The following SAMMSON variants were observed in gnomAD, a reference collection of about 807,000 sequenced individuals.
SAMMSON encodes the protein survival associated mitochondrial melanoma specific oncogenic non-coding RNA.
intron 4 of SAMMSON, among the ~76,000 whole-genome samples, chr3:70,099,185 T>G (rs1259134310): frequency 6.6e-6 from 1 of 152,198 alleles, no homozygotes; most frequent in African/African-American, 2.4e-5. Context: ...TTCTTGCACA[T>G]GTATATTTAC....
chr3:70,421,669 G>A (rs773418374), intron 2 of SAMMSON, among the ~76,000 whole-genome samples: 4 of 152,112 alleles, frequency 2.6e-5, no homozygotes, highest in Non-Finnish European at 5.9e-5. Flanking sequence ...TATCTCCACA[G>A]TAGGAATAAG....
chr3:70,331,601 C>G (rs915824615), intron 7 of SAMMSON, among the ~76,000 whole-genome samples: 1 of 152,202 alleles, frequency 6.6e-6, no homozygotes, highest in Non-Finnish European at 1.5e-5. Context: ...ACACACAAAT[C>G]TTGTCAGAGA....
chr3:70,392,160 G>C (rs948586178), downstream of SAMMSON, among the ~76,000 whole-genome samples: 1 of 152,082 alleles, frequency 6.6e-6, no homozygotes, highest in Non-Finnish European at 1.5e-5. Context: ...AACCATTTAA[G>C]TAACATAGTC....
chr3:70,138,287 A>T (rs1235327756), intron 4 of SAMMSON, among the ~76,000 whole-genome samples: 1 of 152,236 alleles, frequency 6.6e-6, no homozygotes, highest in African/African-American at 2.4e-5. Flanking sequence ...TATAACAAAG[A>T]TATCATAAAA....
chr3:70,224,521 G>T (rs958743739), intron 4 of SAMMSON, among the ~76,000 whole-genome samples: 1 of 152,162 alleles, frequency 6.6e-6, no homozygotes, highest in African/African-American at 2.4e-5. Context: ...AGATAGGAAA[G>T]CACCCTGCAG....
At chr3:70,313,963 T>C (rs1461481821) in intron 7 of SAMMSON, among the ~76,000 whole-genome samples, 2 of 152,174 alleles carry the variant, frequency 1.3e-5, no homozygotes, top group African/African-American at 2.4e-5. Flanking sequence ...CCTAATTGCA[T>C]TGTGGCTGTT....
At chr3:70,080,791 G>A (rs566369636) in intron 4 of SAMMSON, among the ~76,000 whole-genome samples, 1 of 151,706 alleles carries the variant, frequency 6.6e-6, no homozygotes, top group Admixed American at 6.6e-5. Flanking sequence ...GACAAATGTG[G>A]TAAAATCAAT....
At chr3:70,289,207 C>A (rs1156796205) in intron 6 of SAMMSON, among the ~76,000 whole-genome samples, 1 of 150,086 alleles carries the variant, frequency 6.7e-6, no homozygotes, top group Admixed American at 6.6e-5. Flanking sequence ...CCGGTTGTTC[C>A]TTTCCATGTT....
chr3:70,055,084 A>G (rs2067162228), intron 3 of SAMMSON, among the ~76,000 whole-genome samples: 1 of 152,070 alleles, frequency 6.6e-6, no homozygotes, highest in Non-Finnish European at 1.5e-5. Flanking sequence ...TATATTTTAG[A>G]AATATTAACT....
intron 4 of SAMMSON, among the ~76,000 whole-genome samples, chr3:70,222,054 C>A (rs1032744716): frequency 6.6e-6 from 1 of 152,066 alleles, no homozygotes; most frequent in African/African-American, 2.4e-5. Context: ...TAAATAACAA[C>A]AACAATATTA....
intron 6 of SAMMSON, among the ~76,000 whole-genome samples, chr3:70,290,174 TC>T (rs1467060850): frequency 1.3e-5 from 2 of 152,202 alleles, no homozygotes; most frequent in African/African-American, 4.8e-5. Context: ...TTCTGTTTTT[TC>T]CCCATCTTTG....
intron 1 of SAMMSON, among the ~76,000 whole-genome samples, chr3:70,003,185 G>A (rs9843867): frequency 0.46 from 69,029 of 151,274 alleles, 16,690 homozygotes; most frequent in East Asian, 0.62. Context: ...TATATGGCAT[G>A]TATTTTTACT....
intron 7 of SAMMSON, among the ~76,000 whole-genome samples, chr3:70,333,421 T>C (rs1462931921): frequency 6.6e-6 from 1 of 152,124 alleles, no homozygotes; most frequent in African/African-American, 2.4e-5. Flanking sequence ...CACACACATG[T>C]ATAAAACATA....
At chr3:70,133,193 G>A (rs953258800) in intron 4 of SAMMSON, among the ~76,000 whole-genome samples, 1 of 152,156 alleles carries the variant, frequency 6.6e-6, no homozygotes, top group African/African-American at 2.4e-5. Flanking sequence ...AGGGGAACCA[G>A]TCATGTGATT....
intron 4 of SAMMSON, among the ~76,000 whole-genome samples, chr3:70,169,298 A>G (rs2067651676): frequency 6.6e-6 from 1 of 152,098 alleles, no homozygotes; most frequent in Non-Finnish European, 1.5e-5. Context: ...CTATGAAGTC[A>G]TTGAGTGAAG....
chr3:70,338,248 A>C (rs1055960665), intron 7 of SAMMSON, among the ~76,000 whole-genome samples: 4 of 152,002 alleles, frequency 2.6e-5, no homozygotes, highest in African/African-American at 9.7e-5. Flanking sequence ...TTAGATACAG[A>C]TATCTTTATT....
chr3:70,214,414 C>T (rs946718977), intron 4 of SAMMSON, among the ~76,000 whole-genome samples: 4 of 151,918 alleles, frequency 2.6e-5, no homozygotes, highest in Admixed American at 1.3e-4. Flanking sequence ...TTCAATCAGG[C>T]TTGGTAAATC....
At chr3:70,245,489 A>T (rs1701698284) in intron 4 of SAMMSON, among the ~76,000 whole-genome samples, 1 of 151,494 alleles carries the variant, frequency 6.6e-6, no homozygotes, top group Admixed American at 6.6e-5. Context: ...TCTTTAAATG[A>T]CTTTGTTAAT....
At chr3:70,368,513 G>A (rs550734917) in intron 9 of SAMMSON, among the ~76,000 whole-genome samples, 1 of 151,720 alleles carries the variant, frequency 6.6e-6, no homozygotes, top group African/African-American at 2.4e-5. Context: ...CAAACTCAGA[G>A]CATTTAGATG....
Sources: allele counts gnomAD v4.1 joint callset (sites outside exome capture counted in the v4.1 genomes callset), GRCh38; gene constraint gnomAD v4.1.1; transcripts MANE v1.5; gene names NCBI Gene and HGNC (gene_info 2026-07-23, HGNC 2026-07-21).